GLRA3: variants seen among roughly 807,000 people sequenced by gnomAD.
GLRA3 encodes the protein glycine receptor alpha 3, also known as glycine receptor subunit alpha-3.
Under a neutral mutation model 60.4 loss-of-function variants are expected in GLRA3, and 44 were observed. That is an observed-to-expected ratio of 0.73 (90% confidence interval 0.57 to 0.94). The LOEUF (loss-of-function observed/expected upper bound fraction) is 0.94. GLRA3 is among the 40% of genes least tolerant of loss of function. The pLI, the probability that GLRA3 is intolerant of heterozygous loss-of-function variation, is 0.00. For synonymous variants in GLRA3, 223 were observed against 192.9 expected (o/e 1.16, Z -1.29); for missense variants, 508 against 564.6 (o/e 0.90, Z 1.02).
intron 5 of GLRA3, among the ~76,000 whole-genome samples, chr4:174,699,207 G>A (rs1579466652): frequency 6.6e-6 from 1 of 152,006 alleles, no homozygotes; most frequent in East Asian, 1.9e-4. Context: ...TCACCATATT[G>A]GTCAGGCTGG....
At chr4:174,812,344 T>C (rs952153096) in intron 1 of GLRA3, among the ~76,000 whole-genome samples, 4 of 152,104 alleles carry the variant, frequency 2.6e-5, no homozygotes, top group African/African-American at 9.7e-5. Flanking sequence ...TTATAAATAG[T>C]ATTGAACCAG....
chr4:174,639,886 C>A lies in GLRA3; in HGVS notation c.*3900G>T, dbSNP rs962300448. 6.6e-6 allele frequency: 1 copy of A among 151,878 alleles called. No homozygotes were observed. Among genetic ancestry groups the A allele is most frequent in the African/African-American group, 2.4e-5 (1 of 41,390 alleles). The allele number at this position is 151,878 out of a possible 1,614,324, so 9.4% of individuals were successfully genotyped here. ...AGCACACAAATAAGGAAATAAAAACCAATGCATCTGCTGAGGAAGATGTCT... is the reference window on the plus strand; with the variant it reads ...AGCACACAAATAAGGAAATAAAAACAAATGCATCTGCTGAGGAAGATGTCT... On this transcript the variant is annotated 3_prime_UTR_variant, in exon 10 of 10. Coordinates refer to ENST00000274093, the MANE Select transcript of GLRA3 (RefSeq NM_006529.4).
At chr4:174,663,098 G>A (rs1733518507) in intron 7 of GLRA3, among the ~76,000 whole-genome samples, 1 of 152,006 alleles carries the variant, frequency 6.6e-6, no homozygotes. Context: ...TTTATTTCTT[G>A]ACACTCGGAA....
At chr4:174,718,601 A>G (rs753529692) in intron 4 of GLRA3, among the ~76,000 whole-genome samples, 6 of 152,208 alleles carry the variant, frequency 3.9e-5, no homozygotes, top group Non-Finnish European at 7.3e-5. Flanking sequence ...TGCTGACTCT[A>G]TTATAGACTT....
chr4:174,713,514 A>G (rs1329398831), intron 5 of GLRA3: 1 of 152,228 alleles, frequency 6.6e-6, no homozygotes, highest in Non-Finnish European at 1.5e-5. Context: ...AAACCTTTTT[A>G]GATTCCAGCT....
chr4:174,788,019 T>C (rs1354146927), intron 2 of GLRA3, among the ~76,000 whole-genome samples: 1 of 152,080 alleles, frequency 6.6e-6, no homozygotes, highest in Non-Finnish European at 1.5e-5. Flanking sequence ...TTTTAAACTT[T>C]AGCAATGAAA....
intron 1 of GLRA3, among the ~76,000 whole-genome samples, chr4:174,826,082 A>T (rs919074726): frequency 3.9e-5 from 6 of 152,264 alleles, no homozygotes; most frequent in East Asian, 1.9e-4. Flanking sequence ...AAAGTCTTGG[A>T]CCTCAACATC....
chr4:174,810,299 T>A (rs72708276), intron 1 of GLRA3, among the ~76,000 whole-genome samples: 1 of 152,050 alleles, frequency 6.6e-6, no homozygotes, highest in South Asian at 2.1e-4. Flanking sequence ...TATTCACTTC[T>A]CTATTCTGTG....
intron 1 of GLRA3, among the ~76,000 whole-genome samples, chr4:174,801,488 T>A (rs1430291453): frequency 6.6e-6 from 1 of 152,096 alleles, no homozygotes; most frequent in African/African-American, 2.4e-5. Flanking sequence ...TCCACACAAG[T>A]TTGCTCTTTC....
rs1357696677 is a variant in GLRA3 at position 174,728,539 on chromosome 4, C to T, written c.427G>A (p.Glu143Lys). ...FANEKGANFH[E>K]VTTDNKLLRI... is the part of the protein sequence containing the mutation. ...AGCAATTTGTTGTCTGTAGTGACTT[C>T]ATGAAAGTTGGCACCCTTTTCATTG... Residue 143 changes from glutamate (E) to lysine (K), a missense_variant, in exon 4 of 10, where the codon GAA becomes AAA. By Grantham distance (56) the Glu-to-Lys change is moderately conservative. Around this residue, in one of 3 missense-constraint regions of GLRA3, gnomAD observed 329 missense variants for 349.3 expected, o/e 0.94. Coordinates refer to ENST00000274093, the MANE Select transcript of GLRA3 (RefSeq NM_006529.4). 1.2e-6 allele frequency: 2 copies of T among 1,613,364 alleles called. No individual in the cohort carries two copies. The highest frequency in any genetic ancestry group is 1.7e-6 in the Non-Finnish European group (2 of 1,179,448).
intron 5 of GLRA3, among the ~76,000 whole-genome samples, chr4:174,691,373 C>T (rs6810811): frequency 0.42 from 63,410 of 151,774 alleles, 13,849 homozygotes; most frequent in Middle Eastern, 0.54. Flanking sequence ...GTCCCCTCTC[C>T]CCTCTCCCCT....
intron 3 of GLRA3, among the ~76,000 whole-genome samples, chr4:174,763,755 T>C (rs965284496): frequency 6.6e-6 from 1 of 152,174 alleles, no homozygotes; most frequent in Non-Finnish European, 1.5e-5. Context: ...AGGACAGATG[T>C]GCCTCTCTCG....
At chr4:174,753,607 C>A (rs983327021) in intron 3 of GLRA3, among the ~76,000 whole-genome samples, 1 of 152,034 alleles carries the variant, frequency 6.6e-6, no homozygotes, top group Non-Finnish European at 1.5e-5. Flanking sequence ...AATAGCATTG[C>A]TGTGATCTGT....
At chr4:174,809,863 C>A (rs906132667) in intron 1 of GLRA3, among the ~76,000 whole-genome samples, 2 of 151,920 alleles carry the variant, frequency 1.3e-5, no homozygotes, top group African/African-American at 4.8e-5. Context: ...ATTTTTTAAT[C>A]CATATGCAAA....
At chr4:174,704,156 G>A (rs888626007) in intron 5 of GLRA3, among the ~76,000 whole-genome samples, 10 of 142,716 alleles carry the variant, frequency 7.0e-5, no homozygotes, top group African/African-American at 2.5e-4. Context: ...TTAGCCAGAT[G>A]TAGTGGTGTA....
At chr4:174,730,249 C>T (rs1736502419) in intron 3 of GLRA3, among the ~76,000 whole-genome samples, 2 of 152,168 alleles carry the variant, frequency 1.3e-5, no homozygotes, top group Admixed American at 1.3e-4. Flanking sequence ...GCCTGTAGTC[C>T]AGGGCACCAG....
intron 2 of GLRA3, among the ~76,000 whole-genome samples, chr4:174,785,792 T>G (rs1241631087): frequency 6.6e-6 from 1 of 152,096 alleles, no homozygotes; most frequent in East Asian, 1.9e-4. Context: ...TTTTAAGAGA[T>G]AGAGTCTTAC....
intron 4 of GLRA3, among the ~76,000 whole-genome samples, chr4:174,717,495 T>A (rs569502831): frequency 3.3e-5 from 5 of 152,168 alleles, no homozygotes; most frequent in African/African-American, 1.2e-4. Context: ...ACCATAGACA[T>A]AAAGTTAGAA....
chr4:174,823,086 A>C (rs1487005674), intron 1 of GLRA3, among the ~76,000 whole-genome samples: 1 of 152,034 alleles, frequency 6.6e-6, no homozygotes, highest in Non-Finnish European at 1.5e-5. Context: ...CCATATATAC[A>C]CTGTTTGTTG....
Sources: gnomAD v4.1 joint callset for allele counts (sites outside exome capture counted in the v4.1 genomes callset) on GRCh38, gnomAD v4.1.1 for gene constraint, gnomAD v4.1.1 regional missense constraint, MANE v1.5 for transcripts, NCBI Gene and HGNC (gene_info 2026-07-23, HGNC 2026-07-21) for gene names.